The following CFAP61 variants were observed in gnomAD, a reference collection of about 807,000 sequenced individuals.
The protein encoded by CFAP61 is cilia and flagella associated protein 61.
CFAP61 carries 107 observed loss-of-function variants against 135.6 expected under a neutral mutation model. The ratio of observed to expected loss-of-function variants is 0.79; its 90% CI spans 0.67 to 0.93. The LOEUF is 0.93. Ranked by LOEUF, CFAP61 falls within the 40% of genes least tolerant of loss-of-function variation. The probability of loss-of-function intolerance (pLI) is 0.00; values close to 1 mark genes in which losing one functional copy is unlikely to be tolerated. For missense variants in CFAP61, 1,507 were observed against 1,556.2 expected, an observed-to-expected ratio of 0.97 and a Z score of 0.53; for synonymous variants, 575 against 578.5, an observed-to-expected ratio of 0.99 and a Z score of 0.09.
intron 23 of CFAP61, among the ~76,000 whole-genome samples, chr20:20,289,272 C>T (rs1186067211): frequency 4.6e-5 from 7 of 152,154 alleles, no homozygotes; most frequent in African/African-American, 1.7e-4. Flanking sequence ...TGACATCTTA[C>T]CCAAAACTTC....
intron 25 of CFAP61, among the ~76,000 whole-genome samples, chr20:20,304,272 C>CTCTGTG (rs1555964362): frequency 9.7e-6 from 1 of 103,154 alleles, no homozygotes. Context: ...CCATCGGTGA[C>CTCTGTG]TGTGTGTGTG....
chr20:20,191,568 C>T (rs890460323), intron 15 of CFAP61, 149 bp downstream of exon 15: 20 of 548,212 alleles, frequency 3.6e-5, no homozygotes, highest in Non-Finnish European at 5.5e-5. Flanking sequence ...TGCCTCTATC[C>T]CACTTGAAGG....
chr20:20,219,468 T>C (rs901095788), intron 17 of CFAP61, among the ~76,000 whole-genome samples: 4 of 152,316 alleles, frequency 2.6e-5, no homozygotes, highest in Admixed American at 2.6e-4. Context: ...TACAAAATAT[T>C]TTAAAGTCTA....
intron 17 of CFAP61, among the ~76,000 whole-genome samples, chr20:20,204,741 T>A (rs2056785397): frequency 6.6e-6 from 1 of 152,202 alleles, no homozygotes; most frequent in Admixed American, 6.5e-5. Context: ...TAGAGGTTTC[T>A]AAAAAGGCAG....
intron 14 of CFAP61, among the ~76,000 whole-genome samples, chr20:20,189,344 G>A (rs1188233830): frequency 1.3e-5 from 2 of 152,094 alleles, no homozygotes; most frequent in Non-Finnish European, 2.9e-5. Context: ...TCAAGTCCTG[G>A]TTCTCAAAGT....
chr20:20,084,956 T>G (rs1045380175), intron 6 of CFAP61, among the ~76,000 whole-genome samples: 9 of 152,196 alleles, frequency 5.9e-5, no homozygotes, highest in African/African-American at 2.2e-4. Flanking sequence ...ACCTTTTGTT[T>G]CCTCCAGGGA....
At chr20:20,259,645 T>A (rs2051994930) in intron 20 of CFAP61, 2 of 152,086 alleles carry the variant, frequency 1.3e-5, no homozygotes, top group Non-Finnish European at 2.9e-5. Flanking sequence ...GTCATTCCAT[T>A]TGCAAGAGGC....
chr20:20,170,509 A>G (rs1483120454), intron 13 of CFAP61, among the ~76,000 whole-genome samples: 2 of 152,206 alleles, frequency 1.3e-5, no homozygotes, highest in Admixed American at 6.5e-5. Flanking sequence ...TATATTTAAT[A>G]CCTTCTATCT....
intron 1 of CFAP61, among the ~76,000 whole-genome samples, chr20:20,055,469 A>G (rs1046920404): frequency 2.0e-5 from 3 of 152,148 alleles, no homozygotes; most frequent in Admixed American, 6.5e-5. Flanking sequence ...AGGTAGATGC[A>G]TGGTTTAATT....
intron 21 of CFAP61, among the ~76,000 whole-genome samples, chr20:20,269,185 A>G (rs2053102439): frequency 2.2e-5 from 2 of 91,810 alleles, no homozygotes; most frequent in South Asian, 3.4e-4. Context: ...GTATATACAC[A>G]CACATATATA....
intron 9 of CFAP61, among the ~76,000 whole-genome samples, chr20:20,156,327 A>T (rs570570948): frequency 6.6e-6 from 1 of 152,236 alleles, no homozygotes; most frequent in African/African-American, 2.4e-5. Context: ...TCATAAATAT[A>T]TAAAAGACAT....
intron 18 of CFAP61, among the ~76,000 whole-genome samples, chr20:20,231,536 G>A (rs1333964062): frequency 6.6e-6 from 1 of 152,214 alleles, no homozygotes; most frequent in Non-Finnish European, 1.5e-5. Context: ...AGACCTCCAG[G>A]GGTGGAGATG....
chr20:20,069,499 A>C (rs1268772988), intron 2 of CFAP61, among the ~76,000 whole-genome samples: 2 of 152,060 alleles, frequency 1.3e-5, no homozygotes, highest in African/African-American at 4.8e-5. Flanking sequence ...AGGCTGTCTC[A>C]AACTCCTGGC....
chr20:20,119,075 GTTTTC>G (rs2049411099), intron 8 of CFAP61, among the ~76,000 whole-genome samples: 1 of 151,950 alleles, frequency 6.6e-6, no homozygotes, highest in Admixed American at 6.6e-5. Context: ...TTGGCCTGTA[GTTTTC>G]TTTTTTTGTT....
chr20:20,269,745 A>G (rs2053196225), intron 21 of CFAP61, among the ~76,000 whole-genome samples: 1 of 152,112 alleles, frequency 6.6e-6, no homozygotes, highest in Non-Finnish European at 1.5e-5. Context: ...TTCATTATCT[A>G]GTTATTTGCT....
Position 20,118,253 on chromosome 20 carries a change from G to GTTCCATTC in CFAP61, c.859+19441_859+19442insCCATTCTT, listed in dbSNP as rs1201152599. Among the ~76,000 whole-genome samples the GTTCCATTC allele has an allele frequency of 2.9e-5, 4 of 138,610 alleles. No homozygotes were observed. In the East Asian group the frequency reaches 8.4e-4, roughly 29 times the overall value. 90.9% of individuals were successfully genotyped at this position (138,610 alleles called of 152,430 possible). ...TATGGTCTTCATTATTTTGAGGTAT[G>GTTCCATTC]TTTCTTTCTTTCTTTCTTTCTTTCT... is the stretch of plus-strand genomic sequence containing the variant. On this transcript the variant is annotated intron_variant, in intron 8 of 26. Transcript: ENST00000245957.
At chr20:20,315,381 GTTGT>G (rs761980045) in intron 25 of CFAP61, among the ~76,000 whole-genome samples, 9,584 of 151,856 alleles carry the variant, frequency 0.063, 412 homozygotes, top group Non-Finnish European at 0.09. Context: ...TTTTGATGGG[GTTGT>G]TTGTTTTTTT....
chr20:20,199,410 A>T (rs2056484900), intron 16 of CFAP61, among the ~76,000 whole-genome samples: 1 of 152,192 alleles, frequency 6.6e-6, no homozygotes, highest in Non-Finnish European at 1.5e-5. Context: ...GGTTAACAGG[A>T]TGCAGATAAC....
chr20:20,211,289 C>G (rs777003049), intron 17 of CFAP61, among the ~76,000 whole-genome samples: 1 of 152,196 alleles, frequency 6.6e-6, no homozygotes, highest in Non-Finnish European at 1.5e-5. Flanking sequence ...CAGGGACTGC[C>G]TTTCACCTCT....
Sources: allele counts gnomAD v4.1 joint callset (sites outside exome capture counted in the v4.1 genomes callset), GRCh38; gene constraint gnomAD v4.1.1; transcripts MANE v1.5; gene names NCBI Gene and HGNC (gene_info 2026-07-23, HGNC 2026-07-21).